NATD1: variants seen among roughly 807,000 people sequenced by gnomAD.
NATD1 encodes the protein protein NATD1.
A neutral mutation model predicts 12.0 loss-of-function variants in NATD1; 9 were observed. That is an observed-to-expected ratio of 0.75 (90% CI 0.45 to 1.30). The LOEUF (loss-of-function observed/expected upper bound fraction) is 1.30. Among genes scored for constraint, NATD1 ranks in the 50% most tolerant of loss-of-function variants. NATD1 has a pLI of 0.00. For synonymous variants in NATD1, 71 were observed against 65.9 expected (o/e 1.08, Z -0.37); for missense variants, 148 against 148.5 (o/e 1.00, Z 0.02).
chr17:21,243,098 G>C lies in NATD1; in HGVS notation c.*215C>G, dbSNP rs1349891942. On this transcript the variant is annotated 3_prime_UTR_variant, in exon 3 of 3. Transcript: ENST00000611551. ...GGTCTCTGCAGAGTGAGAGGTGCCG[G>C]GACTACCTGGCCTCCTTGCCGCCTC... 1.9e-6 allele frequency: 1 copy of C among 520,020 alleles called. No homozygotes were observed. Among genetic ancestry groups the C allele is most frequent in the Non-Finnish European group, 3.5e-6 (1 of 287,304 alleles). The allele number at this position is 520,020 out of a possible 1,614,324, so 32.2% of individuals were successfully genotyped here.
Position 21,244,051 on chromosome 17 carries a change from G to C in NATD1, c.225+55C>G, listed in dbSNP as rs1469864703. 4.7e-6 allele frequency: 7 copies of C among 1,496,116 alleles called. No homozygotes were observed. The highest frequency in any genetic ancestry group is 6.4e-6 in the Non-Finnish European group (7 of 1,095,096). The allele number at this position is 1,496,116 out of a possible 1,614,324, so 92.7% of individuals were successfully genotyped here. On this transcript the variant is annotated intron_variant, in intron 2 of 2. Coordinates refer to ENST00000611551, the MANE Select transcript of NATD1 (RefSeq NM_152914.3). This position sits in a 1 kb window ranked among gnomAD's most constrained non-coding sequence, Gnocchi z 5.2. ...AGGGCCACCGTCTCCTCGGAGCGAA[G>C]GTGGCAGCCCCCATGTCCCCGTCCC...
intron 1 of NATD1, 108 bp downstream of exon 1, chr17:21,253,051 G>A: frequency 1.6e-5 from 8 of 499,844 alleles, no homozygotes; most frequent in Non-Finnish European, 2.1e-5. Flanking sequence ...GCGGCGGGCC[G>A]GAGCCGGGCC....
chr17:21,239,753 C>A lies in NATD1; in HGVS notation c.*3560G>T, dbSNP rs1975249004. 1 of 152,232 alleles carries A rather than the reference C, an allele frequency of 6.6e-6. No homozygotes were observed. The allele number at this position is 152,232 out of a possible 1,614,324, so 9.4% of individuals were successfully genotyped here. A position where few individuals can be genotyped will look rare whatever the true frequency, so the allele number is the denominator to read the frequency against. ...GCAGTGAGCTGAGATCGCACCTCTG[C>A]ACTCCAGCCTGGGCGACAGAGCAAG... On this transcript the variant is annotated 3_prime_UTR_variant, in exon 3 of 3. Transcript: ENST00000611551.
In NATD1 at chr17:21,244,763, G is replaced by A. The variant is rs1046901069; in HGVS notation, c.107-539C>T. 7.2e-5 allele frequency among the ~76,000 whole-genome samples: 11 copies of A among 152,224 alleles called. No homozygotes were observed. The highest frequency in any genetic ancestry group is 2.4e-4 in the African/African-American group (10 of 41,458). On this transcript the variant is annotated intron_variant, in intron 1 of 2. Coordinates refer to ENST00000611551, the MANE Select transcript of NATD1 (RefSeq NM_152914.3). The surrounding 1 kb of genome is among the most constrained non-coding windows in gnomAD (Gnocchi z 5.2). ...GTAGAGTTCATGAGAAACTGACGCT[G>A]GGCACAGGAGGCAGGAACAAACGGG...
At chr17:21,251,906 C>G (rs1284625004) in intron 1 of NATD1, among the ~76,000 whole-genome samples, 1 of 152,206 alleles carries the variant, frequency 6.6e-6, no homozygotes, top group Non-Finnish European at 1.5e-5. Context: ...ACCGGTCCAG[C>G]TTGGACATTC....
intron 1 of NATD1, among the ~76,000 whole-genome samples, chr17:21,250,715 C>T (rs1975367296): frequency 6.6e-6 from 1 of 152,154 alleles, no homozygotes; most frequent in Non-Finnish European, 1.5e-5. Context: ...CTCCAGGTGC[C>T]CAGGGCCTCC....
chr17:21,245,526 T>G (rs1975317922), intron 1 of NATD1, among the ~76,000 whole-genome samples: 1 of 152,142 alleles, frequency 6.6e-6, no homozygotes, highest in Non-Finnish European at 1.5e-5. Context: ...GCCTTCTGGC[T>G]CTTGGTATCT....
chr17:21,239,693 G>A lies in NATD1; in HGVS notation c.*3620C>T, dbSNP rs1975247986. The A allele has an allele frequency of 6.6e-6, 1 of 152,292 alleles. No individual in the cohort carries two copies. The highest frequency in any genetic ancestry group is 2.4e-5 in the African/African-American group (1 of 41,446). 9.4% of individuals were successfully genotyped at this position (152,292 alleles called of 1,614,324 possible). A position where few individuals can be genotyped will look rare whatever the true frequency, so the allele number is the denominator to read the frequency against. ...TAATTCCAGCTACTCGGGAAGCTGA[G>A]GCAGGAGAATTGCTTGACCCGGGAG... On this transcript the variant is annotated 3_prime_UTR_variant, in exon 3 of 3. Coordinates refer to ENST00000611551, the MANE Select transcript of NATD1 (RefSeq NM_152914.3).
At position 21,243,136 on chromosome 17, in the gene NATD1, A is replaced by C. The variant is rs1975292341; in HGVS notation, c.*177T>G. On this transcript the variant is annotated 3_prime_UTR_variant, in exon 3 of 3. Coordinates refer to ENST00000611551, the MANE Select transcript of NATD1 (RefSeq NM_152914.3). ...TCCTTGCCGCCTCGGTTACCGGGTCACCGCCCATCATTGGTCAGCTGCCTC... is the reference window on the plus strand; with the variant it reads ...TCCTTGCCGCCTCGGTTACCGGGTCCCCGCCCATCATTGGTCAGCTGCCTC... The C allele has an allele frequency of 1.8e-6, 1 of 569,158 alleles. No individual in the cohort carries two copies. Among genetic ancestry groups the C allele is most frequent in the South Asian group, 2.2e-5 (1 of 45,392 alleles). The allele number at this position is 569,158 out of a possible 1,614,324, so 35.3% of individuals were successfully genotyped here. A position where few individuals can be genotyped will look rare whatever the true frequency, so the allele number is the denominator to read the frequency against.
rs1975272558 is a variant in NATD1 at position 21,241,499 on chromosome 17, G to A, written c.*1814C>T. The stretch of plus-strand genomic sequence containing the variant: ...CTTTCCTTAAATTCTGCCAGCAATG[G>A]GCCACCCCTAGCCCCGGAGCAGCTC... On this transcript the variant is annotated 3_prime_UTR_variant, in exon 3 of 3. Transcript: ENST00000611551. 1 of 152,752 alleles carries A rather than the reference G, an allele frequency of 6.5e-6. No individual in the cohort carries two copies. The highest frequency in any genetic ancestry group is 1.5e-5 in the Non-Finnish European group (1 of 68,556). The allele number at this position is 152,752 out of a possible 1,614,324, so 9.5% of individuals were successfully genotyped here. A position where few individuals can be genotyped will look rare whatever the true frequency, so the allele number is the denominator to read the frequency against.
intron 1 of NATD1, among the ~76,000 whole-genome samples, chr17:21,252,421 T>TCAGGGCTGTAACATTGTTACAG (rs1975385357): frequency 6.6e-6 from 1 of 152,238 alleles, no homozygotes; most frequent in African/African-American, 2.4e-5. Flanking sequence ...TGAGCTGGTC[T>TCAGGGCTGTAACATTGTTACAG]GATCCTTTAC....
In NATD1 at chr17:21,240,635, G is replaced by T. The variant is rs773760567; in HGVS notation, c.*2678C>A. 6.6e-6 allele frequency: 1 copy of T among 152,654 alleles called. No individual in the cohort carries two copies. The highest frequency in any genetic ancestry group is 2.4e-5 in the African/African-American group (1 of 41,466). 9.5% of individuals were successfully genotyped at this position (152,654 alleles called of 1,614,324 possible). A position where few individuals can be genotyped will look rare whatever the true frequency, so the allele number is the denominator to read the frequency against. On this transcript the variant is annotated 3_prime_UTR_variant, in exon 3 of 3. Transcript: ENST00000611551. Reference sequence around the variant, plus strand: ...GGCAAGAAATACAAACCCACAGGGTGAGGCGGGCAGAAAAGCAGCTCTGTG... The same window carrying T: ...GGCAAGAAATACAAACCCACAGGGTTAGGCGGGCAGAAAAGCAGCTCTGTG...
intron 1 of NATD1, among the ~76,000 whole-genome samples, chr17:21,247,148 G>A (rs902667012): frequency 1.3e-5 from 2 of 152,204 alleles, no homozygotes; most frequent in Non-Finnish European, 2.9e-5. Flanking sequence ...GACCCTGGGA[G>A]TCCTCAGAAC....
At chr17:21,252,688 G>A (rs995118659) in intron 1 of NATD1, among the ~76,000 whole-genome samples, 6 of 152,060 alleles carry the variant, frequency 3.9e-5, no homozygotes, top group Admixed American at 3.9e-4. Context: ...GCAGCAGGAA[G>A]CCATATACCA....
At chr17:21,245,237 G>A (rs575870851) in intron 1 of NATD1, among the ~76,000 whole-genome samples, 47 of 152,136 alleles carry the variant, frequency 3.1e-4, no homozygotes, top group African/African-American at 1.1e-3. Context: ...AGTGGGGTGG[G>A]TGAGGGGAAG....
Position 21,243,297 on chromosome 17 carries a change from C to T in NATD1, c.*16G>A, listed in dbSNP as rs189065007. 87 of 1,607,136 alleles carry T rather than the reference C, an allele frequency of 5.4e-5. No individual in the cohort carries two copies. In the African/African-American group the frequency reaches 9.2e-4, roughly 17 times the overall value. The stretch of plus-strand genomic sequence containing the variant: ...GGAAGAGTCCGGCAGGGAGCGCTCC[C>T]GCCTGCAGGCCAGGGTTACGGCTGC... On this transcript the variant is annotated 3_prime_UTR_variant, in exon 3 of 3. Transcript: ENST00000611551.
chr17:21,250,991 C>A (rs559634553), intron 1 of NATD1, among the ~76,000 whole-genome samples: 3 of 152,184 alleles, frequency 2.0e-5, no homozygotes, highest in Non-Finnish European at 4.4e-5. Flanking sequence ...GAGGCCTGGG[C>A]TCAGACTCAG....
intron 1 of NATD1, among the ~76,000 whole-genome samples, chr17:21,248,225 G>C (rs1031364554): frequency 4.6e-5 from 7 of 152,162 alleles, no homozygotes; most frequent in Admixed American, 2.0e-4. Flanking sequence ...CCAGTCACAA[G>C]TGTTACACCC....
intron 1 of NATD1, among the ~76,000 whole-genome samples, chr17:21,251,933 G>C (rs547336897): frequency 1.3e-5 from 2 of 152,332 alleles, no homozygotes; most frequent in East Asian, 3.9e-4. Context: ...GGGCGAGGTG[G>C]GCCACAGGGA....
Sources: gnomAD v4.1 joint callset for allele counts (sites outside exome capture counted in the v4.1 genomes callset) on GRCh38, gnomAD v4.1.1 for gene constraint, Gnocchi (gnomAD v3.1) non-coding constraint, MANE v1.5 for transcripts, NCBI Gene and HGNC (gene_info 2026-07-23, HGNC 2026-07-21) for gene names.